Variants in SEMA6D observed in about 807,000 individuals in gnomAD.
The protein encoded by SEMA6D is semaphorin-6D.
A neutral mutation model predicts 106.6 loss-of-function variants in SEMA6D; 35 were observed. That is an observed-to-expected ratio of 0.33 (90% CI 0.25 to 0.44). The LOEUF is 0.44. SEMA6D is among the 20% of genes least tolerant of loss of function. The probability of loss-of-function intolerance (pLI) is 1.00; values close to 1 mark genes in which losing one functional copy is unlikely to be tolerated. For missense variants in SEMA6D, 1,185 were observed against 1,345.9 expected, an observed-to-expected ratio of 0.88 and a Z score of 1.87; for synonymous variants, 499 against 487.7, an observed-to-expected ratio of 1.02 and a Z score of -0.31.
At chr15:47,349,011 G>A (rs1380631360) in intron 1 of SEMA6D, among the ~76,000 whole-genome samples, 3 of 152,046 alleles carry the variant, frequency 2.0e-5, no homozygotes, top group African/African-American at 7.2e-5. Flanking sequence ...TCAAGGATAC[G>A]GGATAGGAGG....
At chr15:47,474,374 A>G (rs2042943548) in intron 3 of SEMA6D, among the ~76,000 whole-genome samples, 1 of 152,190 alleles carries the variant, frequency 6.6e-6, no homozygotes, top group Non-Finnish European at 1.5e-5. Context: ...TTTGCTCAAT[A>G]TTTGTTTTTT....
At chr15:47,193,737 T>C (rs1391850034) in intron 1 of SEMA6D, among the ~76,000 whole-genome samples, 2 of 152,146 alleles carry the variant, frequency 1.3e-5, no homozygotes, top group East Asian at 3.9e-4. Context: ...GGGACACTTT[T>C]ATTGACTCTT....
At chr15:47,516,563 TCAGAGCTC>T (rs2044395313) in intron 3 of SEMA6D, among the ~76,000 whole-genome samples, 1 of 152,188 alleles carries the variant, frequency 6.6e-6, no homozygotes, top group Non-Finnish European at 1.5e-5. Context: ...TACTAATTGC[TCAGAGCTC>T]CAGAGCTCCT....
chr15:47,769,154 A>G (rs2082500102), intron 18 of SEMA6D, among the ~76,000 whole-genome samples: 1 of 152,208 alleles, frequency 6.6e-6, no homozygotes, highest in Non-Finnish European at 1.5e-5. Flanking sequence ...GCTTCAATTC[A>G]AAATGCAATC....
At position 47,316,102 on chromosome 15, in the gene SEMA6D, C is replaced by CTTTTT. The variant is rs67090828; in HGVS notation, c.-238-96287_-238-96283dup. The stretch of plus-strand genomic sequence containing the variant: ...TCCCAATCAGTATGCCATTTATTTC[C>CTTTTT]TTTTTTTTGAGACAGAATCTTGTTC... On this transcript the variant is annotated intron_variant, in intron 1 of 19. Transcript: ENST00000558014. Among the ~76,000 whole-genome samples, 6 of 81,458 alleles carry CTTTTT rather than the reference C, an allele frequency of 7.4e-5. 2 individuals carry two copies. The highest frequency in any genetic ancestry group is 3.1e-4 in the Admixed American group (2 of 6,438). The allele number at this position is 81,458 out of a possible 152,430, so 53.4% of individuals were successfully genotyped here. A position where few individuals can be genotyped will look rare whatever the true frequency, so the allele number is the denominator to read the frequency against.
intron 3 of SEMA6D, among the ~76,000 whole-genome samples, chr15:47,482,778 T>G (rs570558926): frequency 6.6e-6 from 1 of 152,198 alleles, no homozygotes; most frequent in African/African-American, 2.4e-5. Context: ...AAAAAACAAG[T>G]GAGAAGTTAT....
At chr15:47,717,446 C>G (rs1020046245), upstream of SEMA6D, 2 of 152,224 alleles carry the variant, frequency 1.3e-5, no homozygotes, top group African/African-American at 4.8e-5. Context: ...GATGGATTGA[C>G]TTGGAGATGG....
At chr15:47,481,107 G>T (rs1356794401) in intron 3 of SEMA6D, among the ~76,000 whole-genome samples, 1 of 152,158 alleles carries the variant, frequency 6.6e-6, no homozygotes, top group Non-Finnish European at 1.5e-5. Flanking sequence ...CTGTAATTTT[G>T]TAGGTGCTCA....
intron 4 of SEMA6D, among the ~76,000 whole-genome samples, chr15:47,602,842 T>C (rs888117312): frequency 6.6e-6 from 1 of 152,034 alleles, no homozygotes; most frequent in African/African-American, 2.4e-5. Context: ...CCCGAAACTC[T>C]TGCAATGGTT....
At chr15:47,377,345 A>G (rs281251) in intron 1 of SEMA6D, among the ~76,000 whole-genome samples, 98,401 of 151,948 alleles carry the variant, frequency 0.65, 32,677 homozygotes, top group Non-Finnish European at 0.72. Flanking sequence ...GGGGAAATTC[A>G]GTAATTCCTA....
At chr15:47,634,007 G>A (rs2077336926) in intron 4 of SEMA6D, among the ~76,000 whole-genome samples, 1 of 152,016 alleles carries the variant, frequency 6.6e-6, no homozygotes, top group Admixed American at 6.6e-5. Flanking sequence ...CCTTTGCTGA[G>A]ATTTTTTCCT....
intron 3 of SEMA6D, among the ~76,000 whole-genome samples, chr15:47,492,263 G>A (rs7172959): frequency 0.065 from 9,834 of 152,204 alleles, 899 homozygotes; most frequent in African/African-American, 0.21. Context: ...GACTGAAATT[G>A]AGATAGAGAA....
chr15:47,575,682 G>A (rs1403552761), intron 3 of SEMA6D, among the ~76,000 whole-genome samples: 1 of 152,020 alleles, frequency 6.6e-6, no homozygotes, highest in East Asian at 1.9e-4. Context: ...TTGCGCCACT[G>A]CACTCCAGCC....
intron 4 of SEMA6D, among the ~76,000 whole-genome samples, chr15:47,624,918 G>T (rs1324011606): frequency 6.6e-6 from 1 of 152,152 alleles, no homozygotes; most frequent in Non-Finnish European, 1.5e-5. Context: ...ACATAGACTG[G>T]AGAAGGGAAT....
chr15:47,564,019 G>A (rs1418978281), intron 3 of SEMA6D, among the ~76,000 whole-genome samples: 1 of 152,198 alleles, frequency 6.6e-6, no homozygotes, highest in Non-Finnish European at 1.5e-5. Context: ...TCCTTGGAAA[G>A]ATTTCTGACC....
chr15:47,299,726 T>C (rs2035945555), intron 1 of SEMA6D, among the ~76,000 whole-genome samples: 1 of 152,170 alleles, frequency 6.6e-6, no homozygotes, highest in African/African-American at 2.4e-5. Context: ...CCTACATCCA[T>C]CAAAAAGCTG....
intron 3 of SEMA6D, among the ~76,000 whole-genome samples, chr15:47,517,399 T>C (rs2044423308): frequency 6.6e-6 from 1 of 152,246 alleles, no homozygotes; most frequent in Non-Finnish European, 1.5e-5. Context: ...TGTGCGTGTG[T>C]GTGTTTATAT....
At chr15:47,727,902 A>G (rs983359239) in intron 1 of SEMA6D, among the ~76,000 whole-genome samples, 1 of 152,216 alleles carries the variant, frequency 6.6e-6, no homozygotes, top group Non-Finnish European at 1.5e-5. Context: ...TGTGCTTTGC[A>G]CAATTGACTA....
intron 3 of SEMA6D, among the ~76,000 whole-genome samples, chr15:47,496,789 C>A (rs2141530444): frequency 6.6e-6 from 1 of 152,114 alleles, no homozygotes; most frequent in Non-Finnish European, 1.5e-5. Context: ...AAGGATGTCT[C>A]ACCTACTTGA....
Sources: allele counts gnomAD v4.1 joint callset (sites outside exome capture counted in the v4.1 genomes callset), GRCh38; gene constraint gnomAD v4.1.1; transcripts MANE v1.5; gene names NCBI Gene and HGNC (gene_info 2026-07-23, HGNC 2026-07-21).